BDKRB2: variants seen among roughly 807,000 people sequenced by gnomAD.
BDKRB2 encodes B2 bradykinin receptor.
BDKRB2 carries 6 observed loss-of-function variants against 4.0 expected under a neutral mutation model. The observed-to-expected ratio is 1.49, with a 90% CI of 0.81 to 2.93. The LOEUF is 2.93. Ranked by LOEUF, BDKRB2 falls within the 30% of genes most tolerant of loss-of-function variation. The pLI is 0.00. For missense variants in BDKRB2, 478 were observed against 520.1 expected, an observed-to-expected ratio of 0.92 and a Z score of 0.79; for synonymous variants, 225 against 215.3, an observed-to-expected ratio of 1.05 and a Z score of -0.40.
chr14:96,237,601 G>C, intron 2 of BDKRB2: 1 of 1,205,794 alleles, frequency 8.3e-7, no homozygotes, highest in Non-Finnish European at 1.1e-6. Context: ...TAAGGGGAGG[G>C]GGAGGAGGAC....
At chr14:96,211,175 C>G (rs1333617483) in intron 1 of BDKRB2, 1 of 152,288 alleles carries the variant, frequency 6.6e-6, no homozygotes, top group African/African-American at 2.4e-5. Context: ...CAGGAATCCT[C>G]TCGAGGGAAA....
chr14:96,241,213 G>C lies in BDKRB2; in HGVS notation c.885G>C (p.Leu295=). ...AGATCAGCACCTTCCTGGATACGCT[G>C]CATCGCCTCGGCATCCTCTCCAGCT... ...PFQISTFLDT[L]HRLGILSSCQ... is the part of the protein sequence containing the mutation. Residue 295 remains leucine, a synonymous_variant, in exon 3 of 3, where the codon CTG becomes CTC. Transcript: ENST00000554311. 6.2e-7 allele frequency: 1 copy of C among 1,609,198 alleles called. No individual in the cohort carries two copies.
intron 1 of BDKRB2, among the ~76,000 whole-genome samples, chr14:96,209,582 C>T (rs1376320964): frequency 1.3e-5 from 2 of 152,192 alleles, no homozygotes; most frequent in African/African-American, 2.4e-5. Context: ...AGTTGCACCC[C>T]TTTGAGCCTT....
chr14:96,233,100 A>G (rs984244067), intron 1 of BDKRB2, among the ~76,000 whole-genome samples: 4 of 152,168 alleles, frequency 2.6e-5, no homozygotes, highest in Admixed American at 2.6e-4. Context: ...GATACGGCTC[A>G]CTGCAGCCTC....
chr14:96,239,589 A>G (rs1401019772), intron 2 of BDKRB2: 3 of 985,040 alleles, frequency 3.0e-6, no homozygotes, highest in African/African-American at 3.5e-5. Flanking sequence ...AGAATTGTTA[A>G]TTACTAATGT....
intron 1 of BDKRB2, among the ~76,000 whole-genome samples, chr14:96,228,656 G>T (rs1890752374): frequency 6.6e-6 from 1 of 152,172 alleles, no homozygotes; most frequent in Non-Finnish European, 1.5e-5. Context: ...GTGGGCCAGG[G>T]TGGTTTTGGC....
intron 1 of BDKRB2, among the ~76,000 whole-genome samples, chr14:96,225,444 G>A (rs764918340): frequency 4.7e-5 from 7 of 148,402 alleles, no homozygotes; most frequent in African/African-American, 1.3e-4. Context: ...CTAAGATGTC[G>A]CTTGATATCC....
chr14:96,221,538 G>C (rs917138179), intron 1 of BDKRB2, among the ~76,000 whole-genome samples: 1 of 152,116 alleles, frequency 6.6e-6, no homozygotes, highest in African/African-American at 2.4e-5. Context: ...CTTGGAACCA[G>C]TGTGGTTGAG....
rs181901959 is a variant in BDKRB2, at chr14:96,243,512, T to C, written c.*2008T>C. ...TAGAACCTGGAAGGGCTAGAACCTGTAGAGCTAGAACATGGAGAGCTAGAA... is the reference window on the plus strand; with the variant it reads ...TAGAACCTGGAAGGGCTAGAACCTGCAGAGCTAGAACATGGAGAGCTAGAA... On this transcript the variant is annotated 3_prime_UTR_variant, in exon 3 of 3. Coordinates refer to ENST00000554311, the MANE Select transcript of BDKRB2 (RefSeq NM_001379692.1). The C allele has an allele frequency of 1.4e-5, 2 of 145,110 alleles. No homozygotes were observed. The highest frequency in any genetic ancestry group is 1.4e-4 in the Admixed American group (2 of 14,622). The allele number at this position is 145,110 out of a possible 1,614,324, so 9.0% of individuals were successfully genotyped here.
chr14:96,211,654 C>T (rs1043267987), intron 1 of BDKRB2, among the ~76,000 whole-genome samples: 1 of 152,176 alleles, frequency 6.6e-6, no homozygotes, highest in Non-Finnish European at 1.5e-5. Flanking sequence ...TCTCTCCACC[C>T]ACTTCCCTTC....
At chr14:96,211,678 C>T (rs1055860128) in intron 1 of BDKRB2, among the ~76,000 whole-genome samples, 1 of 152,194 alleles carries the variant, frequency 6.6e-6, no homozygotes, top group Non-Finnish European at 1.5e-5. Context: ...CTCCTCCTCC[C>T]GCTCCTCCTT....
At chr14:96,240,141 A>T in intron 2 of BDKRB2, 1 of 1,198,296 alleles carries the variant, frequency 8.3e-7, no homozygotes, top group East Asian at 3.6e-5. Context: ...CTGTTGGTGG[A>T]TACTGGCCAA....
intron 1 of BDKRB2, among the ~76,000 whole-genome samples, chr14:96,215,881 G>A (rs994518696): frequency 6.6e-5 from 10 of 152,178 alleles, no homozygotes; most frequent in African/African-American, 1.9e-4. Context: ...TTACAGATAA[G>A]GAAACTGAGA....
chr14:96,240,365 C>T (rs757272483), intron 2 of BDKRB2, 38 bp from the exon 3 acceptor site: 3 of 1,423,436 alleles, frequency 2.1e-6, no homozygotes, highest in Non-Finnish European at 9.2e-7. Context: ...TCCCTTGTGA[C>T]CCTGAGGGGT....
At chr14:96,235,207 G>C (rs1035198028) in intron 1 of BDKRB2, among the ~76,000 whole-genome samples, 1 of 151,936 alleles carries the variant, frequency 6.6e-6, no homozygotes, top group African/African-American at 2.4e-5. Context: ...AATTAGCCAG[G>C]CATGGTGGCA....
rs201023474 is a variant in BDKRB2 at position 96,240,514 on chromosome 14, C to A, written c.186C>A (p.Pro62=). 169 of 1,577,378 alleles carry A rather than the reference C, an allele frequency of 1.1e-4. No homozygotes were observed. In the South Asian group the frequency reaches 2.0e-3, roughly 18 times the overall value. Residue 62 remains proline, a synonymous_variant, in exon 3 of 3, where the codon CCC becomes CCA. Transcript: ENST00000554311. ...WLGWLNTIQP[P]FLWVLFVLAT... is the part of the protein sequence containing the mutation. Reference sequence around the variant, plus strand: ...GCTGGCTCAACACCATCCAGCCCCCCTTCCTCTGGGTGCTGTTCGTGCTGG... The same window carrying A: ...GCTGGCTCAACACCATCCAGCCCCCATTCCTCTGGGTGCTGTTCGTGCTGG...
intron 1 of BDKRB2, among the ~76,000 whole-genome samples, chr14:96,210,020 ATC>A (rs1491132259): frequency 0.032 from 3,191 of 100,816 alleles, 88 homozygotes; most frequent in East Asian, 0.12. Flanking sequence ...AATAATAATC[ATC>A]ATCATCATCA....
intron 1 of BDKRB2, among the ~76,000 whole-genome samples, chr14:96,205,233 G>A (rs1446400749): frequency 6.6e-6 from 1 of 152,120 alleles, no homozygotes; most frequent in Non-Finnish European, 1.5e-5. Context: ...AGTGTGTGAG[G>A]GATTTCGTGA....
intron 1 of BDKRB2, among the ~76,000 whole-genome samples, chr14:96,205,890 TTCCAGGCAGG>T (rs1311917398): frequency 6.6e-6 from 1 of 152,148 alleles, no homozygotes; most frequent in East Asian, 1.9e-4. Flanking sequence ...GGTGTTGCTG[TTCCAGGCAGG>T]TCAGAATGTG....
Sources: gnomAD v4.1 joint callset for allele counts (sites outside exome capture counted in the v4.1 genomes callset) on GRCh38, gnomAD v4.1.1 for gene constraint, MANE v1.5 for transcripts, NCBI Gene and HGNC (gene_info 2026-07-23, HGNC 2026-07-21) for gene names.